RBFOX1: variants seen among roughly 807,000 people sequenced by gnomAD.
RBFOX1 encodes RNA binding fox-1 homolog 1.
Under a neutral mutation model 57.7 loss-of-function variants are expected in RBFOX1, and 8 were observed. The ratio of observed to expected loss-of-function variants is 0.14; its 90% CI spans 0.08 to 0.25. The LOEUF is 0.25. Among genes scored for constraint, RBFOX1 ranks in the 10% least tolerant of loss-of-function variants. RBFOX1 has a pLI of 1.00. For missense variants in RBFOX1, 611 were observed against 548.5 expected (o/e 1.11, Z -1.14); for synonymous variants, 326 against 222.4 (o/e 1.47, Z -4.15).
chr16:5,364,431 C>T lies in RBFOX1; in HGVS notation c.220-102785C>T, dbSNP rs149329105. Among the ~76,000 whole-genome samples, 1,165 of 152,298 alleles carry T rather than the reference C, an allele frequency of 7.6e-3. 14 individuals carry two copies. The highest frequency in any genetic ancestry group is 0.027 in the African/African-American group (1,116 of 41,552). ...ACTTGGCAATACCTAAGAAATATTC[C>T]GGTTCCAATTACAGGCTGCCAATGG... On this transcript the variant is annotated intron_variant, in intron 1 of 2. Coordinates refer to the RBFOX1 transcript ENST00000585867.
chr16:5,867,578 T>C (rs2057373100), intron 4 of RBFOX1, among the ~76,000 whole-genome samples: 1 of 152,170 alleles, frequency 6.6e-6, no homozygotes, highest in Non-Finnish European at 1.5e-5. Context: ...GTCTGTTTCT[T>C]GACAGATACA....
chr16:5,555,670 G>A (rs989385589), intron 2 of RBFOX1, among the ~76,000 whole-genome samples: 9 of 152,112 alleles, frequency 5.9e-5, no homozygotes, highest in African/African-American at 2.2e-4. Context: ...GTTGAAGTGA[G>A]GATTGAGGGC....
chr16:7,520,177 G>A (rs113634349), intron 5 of RBFOX1, among the ~76,000 whole-genome samples: 6,135 of 152,162 alleles, frequency 0.04, 183 homozygotes, highest in East Asian at 0.11. Context: ...GAGCCACCGC[G>A]CCCGGCCTAG....
In RBFOX1 at chr16:6,827,680, C is replaced by T. The variant is rs191380808; in HGVS notation, c.-16+173030C>T. Among the ~76,000 whole-genome samples, 361 of 152,286 alleles carry T rather than the reference C, an allele frequency of 2.4e-3. 2 individuals carry two copies. The highest frequency in any genetic ancestry group is 8.5e-3 in the African/African-American group (352 of 41,562). On this transcript the variant is annotated intron_variant, in intron 3 of 15. Transcript: ENST00000550418. ...TCACCCTTTTGAGGTCTCTTCTGATCCTTCAGGGGCCAGCTTCTCTCCGTC... is the reference window on the plus strand; with the variant it reads ...TCACCCTTTTGAGGTCTCTTCTGATTCTTCAGGGGCCAGCTTCTCTCCGTC...
chr16:5,332,922 A>C (rs944879284), intron 1 of RBFOX1, among the ~76,000 whole-genome samples: 1 of 152,190 alleles, frequency 6.6e-6, no homozygotes. Flanking sequence ...GGAGTGGCTC[A>C]CACCTGTAAT....
intron 4 of RBFOX1, among the ~76,000 whole-genome samples, chr16:5,993,277 G>A (rs2060432934): frequency 6.6e-6 from 1 of 151,556 alleles, no homozygotes; most frequent in Admixed American, 6.6e-5. Context: ...TCTTTTTGTA[G>A]CATGTATGTG....
chr16:5,700,960 G>A (rs2051025182), intron 3 of RBFOX1, among the ~76,000 whole-genome samples: 1 of 152,186 alleles, frequency 6.6e-6, no homozygotes, highest in Admixed American at 6.5e-5. Flanking sequence ...AGGTTAAGAG[G>A]AATGCTACTA....
chr16:7,110,194 A>AAG (rs2064431360), intron 4 of RBFOX1, among the ~76,000 whole-genome samples: 1 of 150,956 alleles, frequency 6.6e-6, no homozygotes, highest in African/African-American at 2.4e-5. Flanking sequence ...TCTCAAAAAA[A>AAG]AAAAAAAAAA....
intron 3 of RBFOX1, among the ~76,000 whole-genome samples, chr16:6,724,190 G>A (rs541847231): frequency 2.6e-5 from 4 of 151,644 alleles, no homozygotes; most frequent in African/African-American, 7.3e-5. Flanking sequence ...ATATGAGGAC[G>A]GCGAGAAGGC....
intron 1 of RBFOX1, among the ~76,000 whole-genome samples, chr16:6,125,886 A>T (rs561408829): frequency 2.6e-5 from 4 of 152,304 alleles, no homozygotes; most frequent in South Asian, 4.2e-4. Context: ...CTGAAGGATT[A>T]TGAGGCTGCT....
At chr16:7,317,493 G>C (rs535811535) in intron 4 of RBFOX1, among the ~76,000 whole-genome samples, 39 of 152,056 alleles carry the variant, frequency 2.6e-4, no homozygotes, top group Non-Finnish European at 4.3e-4. Flanking sequence ...ATCGCCATTA[G>C]GACCATCACC....
chr16:5,600,737 G>T (rs570538500), downstream of RBFOX1, among the ~76,000 whole-genome samples: 22 of 152,208 alleles, frequency 1.4e-4, no homozygotes, highest in Admixed American at 6.5e-4. Flanking sequence ...TGGATCATCT[G>T]AAAGTAGTGT....
At position 6,582,423 on chromosome 16, in the gene RBFOX1, T is replaced by C. The variant is rs2097548618; in HGVS notation, c.-63-72180T>C. Reference sequence around the variant, plus strand: ...TTTTGGAGAAATATAATTAAGCAGTTATTAATTTTGTCTTTGTTCCTTGAA... The same window carrying C: ...TTTTGGAGAAATATAATTAAGCAGTCATTAATTTTGTCTTTGTTCCTTGAA... On this transcript the variant is annotated intron_variant, in intron 2 of 15. Transcript: ENST00000550418. Among the ~76,000 whole-genome samples, 2 of 151,672 alleles carry C rather than the reference T, an allele frequency of 1.3e-5. 1 individual carries two copies. The highest frequency in any genetic ancestry group is 4.8e-5 in the African/African-American group (2 of 41,298).
intron 1 of RBFOX1, among the ~76,000 whole-genome samples, chr16:5,368,266 C>T (rs542524318): frequency 1.1e-4 from 16 of 152,282 alleles, no homozygotes; most frequent in East Asian, 9.6e-4. Context: ...ACTTTTTTTA[C>T]GCTTGCGACT....
At chr16:5,577,532 T>C (rs2046505540) in intron 2 of RBFOX1, among the ~76,000 whole-genome samples, 1 of 152,224 alleles carries the variant, frequency 6.6e-6, no homozygotes, top group Non-Finnish European at 1.5e-5. Flanking sequence ...ATAATCTATG[T>C]AGTCCCCAGC....
chr16:5,462,901 C>G (rs973677470), intron 1 of RBFOX1, among the ~76,000 whole-genome samples: 1 of 152,128 alleles, frequency 6.6e-6, no homozygotes, highest in African/African-American at 2.4e-5. Context: ...ATAATCTGGC[C>G]TGAATTTTCA....
chr16:6,690,271 A>G (rs1355711213), intron 3 of RBFOX1, among the ~76,000 whole-genome samples: 1 of 152,120 alleles, frequency 6.6e-6, no homozygotes, highest in Admixed American at 6.6e-5. Context: ...TTGGAATACT[A>G]GGATGTGGAG....
At chr16:5,977,651 G>C (rs900888605) in intron 4 of RBFOX1, among the ~76,000 whole-genome samples, 18 of 152,116 alleles carry the variant, frequency 1.2e-4, no homozygotes, top group Admixed American at 1.2e-3. Context: ...ACAGAGAAGA[G>C]AAAACCAACT....
At chr16:7,281,736 C>T (rs2095547837) in intron 4 of RBFOX1, among the ~76,000 whole-genome samples, 1 of 152,076 alleles carries the variant, frequency 6.6e-6, no homozygotes, top group Admixed American at 6.6e-5. Context: ...TTGAGGGAAA[C>T]GTGGGTTATT....
Sources: gnomAD v4.1 joint callset for allele counts (sites outside exome capture counted in the v4.1 genomes callset) on GRCh38, gnomAD v4.1.1 for gene constraint, MANE v1.5 for transcripts, NCBI Gene and HGNC (gene_info 2026-07-23, HGNC 2026-07-21) for gene names.